XKR4: variants seen among roughly 807,000 people sequenced by gnomAD.
XKR4 encodes XK-related protein 4.
XKR4 carries 12 observed loss-of-function variants against 53.9 expected under a neutral mutation model. The observed-to-expected ratio is 0.22, with a 90% CI of 0.14 to 0.36. The LOEUF is 0.36. Among genes scored for constraint, XKR4 ranks in the 10% least tolerant of loss-of-function variants. The pLI, the probability that XKR4 is intolerant of heterozygous loss-of-function variation, is 1.00. For synonymous variants in XKR4, 354 were observed against 362.4 expected (o/e 0.98, Z 0.26); for missense variants, 799 against 859.5 (o/e 0.93, Z 0.88).
intron 1 of XKR4, among the ~76,000 whole-genome samples, chr8:55,311,346 C>T (rs990997256): frequency 6.6e-6 from 1 of 152,172 alleles, no homozygotes; most frequent in African/African-American, 2.4e-5. Context: ...CAGAGAGGGG[C>T]TCAGAGGGCC....
At chr8:55,140,662 A>G (rs1816690606) in intron 1 of XKR4, among the ~76,000 whole-genome samples, 1 of 152,216 alleles carries the variant, frequency 6.6e-6, no homozygotes, top group Non-Finnish European at 1.5e-5. Flanking sequence ...TGTCTGGTGT[A>G]TCAGATGTCT....
chr8:55,457,244 G>A lies in XKR4; in HGVS notation c.1007-66037G>A, dbSNP rs4403385. On this transcript the variant is annotated intron_variant, in intron 2 of 2. Coordinates refer to ENST00000327381, the MANE Select transcript of XKR4 (RefSeq NM_052898.2). ...TGCAAGTTCTGCCTCGCAGGTTCAC[G>A]CCATTCTCCTGCCTCAGCCTCCTGA... Among the ~76,000 whole-genome samples the A allele has an allele frequency of 2.2e-3, 325 of 150,152 alleles. 4 individuals carry two copies. Among genetic ancestry groups the A allele is most frequent in the East Asian group, 0.017 (85 of 5,046 alleles).
In XKR4 at chr8:55,525,921, C is replaced by G. The variant is rs576390651; in HGVS notation, c.*1694C>G. 1 of 152,642 alleles carries G rather than the reference C, an allele frequency of 6.6e-6. No individual in the cohort carries two copies. The highest frequency in any genetic ancestry group is 1.9e-4 in the East Asian group (1 of 5,188). The allele number at this position is 152,642 out of a possible 1,614,324, so 9.5% of individuals were successfully genotyped here. A position where few individuals can be genotyped will look rare whatever the true frequency, so the allele number is the denominator to read the frequency against. ...ATCACCCTACTTTGCAAGTTGGTGC[C>G]CCCAGGAACCTGGCCAGGGGTGCTA... On this transcript the variant is annotated 3_prime_UTR_variant, in exon 3 of 3. Coordinates refer to ENST00000327381, the MANE Select transcript of XKR4 (RefSeq NM_052898.2).
chr8:55,170,422 G>T (rs1042242876), intron 1 of XKR4, among the ~76,000 whole-genome samples: 1 of 152,110 alleles, frequency 6.6e-6, no homozygotes, highest in South Asian at 2.1e-4. Flanking sequence ...GGAGGTATGG[G>T]GACATGAGCC....
intron 2 of XKR4, among the ~76,000 whole-genome samples, chr8:55,439,279 A>G (rs955339467): frequency 2.6e-5 from 4 of 151,966 alleles, no homozygotes; most frequent in Non-Finnish European, 5.9e-5. Context: ...CATTAAATCC[A>G]TGCCTCAAAT....
At chr8:55,365,230 G>A (rs1171475177) in intron 2 of XKR4, among the ~76,000 whole-genome samples, 2 of 152,210 alleles carry the variant, frequency 1.3e-5, no homozygotes, top group African/African-American at 2.4e-5. Flanking sequence ...GTGCGCGCTG[G>A]CTGCCGCTGG....
rs746408919 is a variant in XKR4, at chr8:55,526,965, G to C, written c.*2738G>C. On this transcript the variant is annotated 3_prime_UTR_variant, in exon 3 of 3. Coordinates refer to ENST00000327381, the MANE Select transcript of XKR4 (RefSeq NM_052898.2). ...TTTGGAGATTATGATGTTTTAATTA[G>C]GCATGAATTCTTGTTAAGGAAAGAA... 1 of 152,108 alleles carries C rather than the reference G, an allele frequency of 6.6e-6. No homozygotes were observed. Among genetic ancestry groups the C allele is most frequent in the Non-Finnish European group, 1.5e-5 (1 of 68,024 alleles). 9.4% of individuals were successfully genotyped at this position (152,108 alleles called of 1,614,324 possible). A position where few individuals can be genotyped will look rare whatever the true frequency, so the allele number is the denominator to read the frequency against.
chr8:55,369,619 A>G (rs1804044537), intron 2 of XKR4, among the ~76,000 whole-genome samples: 1 of 151,964 alleles, frequency 6.6e-6, no homozygotes, highest in Non-Finnish European at 1.5e-5. Flanking sequence ...CTAAGAAATA[A>G]TTAAGAATTA....
intron 1 of XKR4, among the ~76,000 whole-genome samples, chr8:55,111,363 T>A (rs1259675430): frequency 6.6e-6 from 1 of 152,198 alleles, no homozygotes; most frequent in Non-Finnish European, 1.5e-5. Context: ...TACATTCTTT[T>A]CACTTGCCTA....
chr8:55,238,316 C>A (rs113764828), intron 1 of XKR4, among the ~76,000 whole-genome samples: 202 of 152,062 alleles, frequency 1.3e-3, no homozygotes, highest in African/African-American at 4.7e-3. Context: ...GAGAGGGAAG[C>A]AGAATTCAGG....
intron 2 of XKR4, among the ~76,000 whole-genome samples, chr8:55,390,132 T>C (rs1804423572): frequency 6.6e-6 from 1 of 152,156 alleles, no homozygotes; most frequent in South Asian, 2.1e-4. Flanking sequence ...AACAACACAT[T>C]TGTGAGCATG....
chr8:55,529,214 A>T lies in XKR4; in HGVS notation c.*4987A>T, dbSNP rs573411915. 2.2e-3 allele frequency: 338 copies of T among 152,150 alleles called. 4 individuals are homozygous for T. Among genetic ancestry groups the T allele is most frequent in the African/African-American group, 7.5e-3 (310 of 41,484 alleles). The allele number at this position is 152,150 out of a possible 1,614,324, so 9.4% of individuals were successfully genotyped here. ...CTCTCACAGCAGAGAGCCACATGGA[A>T]GAAGTGCCAAATAGCCATTTGCATT... is the stretch of plus-strand genomic sequence containing the variant. On this transcript the variant is annotated 3_prime_UTR_variant, in exon 3 of 3. Transcript: ENST00000327381.
chr8:55,452,134 G>A, intron 2 of XKR4: 2 of 703,990 alleles, frequency 2.8e-6, no homozygotes, highest in Admixed American at 4.3e-5. Context: ...CTGACATCCG[G>A]TGTGTACCGC....
chr8:55,447,016 G>A (rs563934025), intron 2 of XKR4, among the ~76,000 whole-genome samples: 6 of 149,020 alleles, frequency 4.0e-5, no homozygotes, highest in African/African-American at 7.4e-5. Context: ...TCTTTCACCC[G>A]ATTTTTGTTT....
intron 1 of XKR4, among the ~76,000 whole-genome samples, chr8:55,273,820 A>G (rs1286628258): frequency 6.6e-6 from 1 of 152,200 alleles, no homozygotes; most frequent in Non-Finnish European, 1.5e-5. Context: ...CTGGTCTCCC[A>G]CACAGCCAGC....
intron 2 of XKR4, among the ~76,000 whole-genome samples, chr8:55,515,148 C>T (rs1806693650): frequency 6.6e-6 from 1 of 152,202 alleles, no homozygotes; most frequent in African/African-American, 2.4e-5. Context: ...ATCATCTCCT[C>T]AGCAGACTCA....
At chr8:55,331,518 T>G (rs1206648235) in intron 1 of XKR4, among the ~76,000 whole-genome samples, 1 of 152,162 alleles carries the variant, frequency 6.6e-6, no homozygotes, top group African/African-American at 2.4e-5. Context: ...TTTTTTTTAG[T>G]GCTCTATCCA....
chr8:55,517,934 C>T (rs1311685518), intron 2 of XKR4: 3 of 152,154 alleles, frequency 2.0e-5, no homozygotes, highest in African/African-American at 4.8e-5. Context: ...AAAAAGAGCC[C>T]TTCTCACCAG....
intron 1 of XKR4, among the ~76,000 whole-genome samples, chr8:55,186,563 A>G (rs957809937): frequency 6.6e-6 from 1 of 152,144 alleles, no homozygotes; most frequent in Non-Finnish European, 1.5e-5. Context: ...GGCTGAGGCA[A>G]GAGAATGGCA....
Sources: gnomAD v4.1 joint callset for allele counts (sites outside exome capture counted in the v4.1 genomes callset) on GRCh38, gnomAD v4.1.1 for gene constraint, MANE v1.5 for transcripts, NCBI Gene and HGNC (gene_info 2026-07-23, HGNC 2026-07-21) for gene names.